Variants in PDZD8 observed in about 807,000 individuals in gnomAD.
The protein encoded by PDZD8 is PDZ domain-containing protein 8.
A neutral mutation model predicts 85.8 loss-of-function variants in PDZD8; 14 were observed. The observed-to-expected ratio is 0.16, with a 90% CI of 0.11 to 0.26. The LOEUF is 0.26. PDZD8 is among the 10% of genes least tolerant of loss of function. The pLI is 1.00. For synonymous variants in PDZD8, 592 were observed against 568.6 expected (o/e 1.04, Z -0.59); for missense variants, 1,197 against 1,424.3 (o/e 0.84, Z 2.57).
intron 1 of PDZD8, among the ~76,000 whole-genome samples, chr10:117,366,839 G>C (rs1481449101): frequency 6.6e-6 from 1 of 152,092 alleles, no homozygotes; most frequent in Non-Finnish European, 1.5e-5. Context: ...CTGTAAAACT[G>C]AGATACCAAC....
chr10:117,307,292 T>G (rs1167647251), intron 3 of PDZD8, among the ~76,000 whole-genome samples: 6 of 152,070 alleles, frequency 3.9e-5, no homozygotes, highest in Non-Finnish European at 7.4e-5. Context: ...TCTAAACATA[T>G]ATAACTTATC....
chr10:117,297,269 G>A (rs541348252), intron 3 of PDZD8, among the ~76,000 whole-genome samples: 34 of 152,262 alleles, frequency 2.2e-4, no homozygotes, highest in Non-Finnish European at 3.8e-4. Flanking sequence ...ACCAACTGCT[G>A]CTGAGGATGT....
chr10:117,313,315 A>G (rs1844070198), intron 3 of PDZD8, among the ~76,000 whole-genome samples: 1 of 152,170 alleles, frequency 6.6e-6, no homozygotes, highest in Non-Finnish European at 1.5e-5. Flanking sequence ...TATCTCATTG[A>G]TTTTTATGTT....
chr10:117,370,351 AGGAACTGGCAG>A (rs1243692233), intron 1 of PDZD8, among the ~76,000 whole-genome samples: 1 of 152,230 alleles, frequency 6.6e-6, no homozygotes, highest in Non-Finnish European at 1.5e-5. Flanking sequence ...GTGAAACATC[AGGAACTGGCAG>A]TCCAGAGAGG....
intron 1 of PDZD8, among the ~76,000 whole-genome samples, chr10:117,357,523 T>TG (rs1231165333): frequency 4.6e-5 from 7 of 151,888 alleles, no homozygotes; most frequent in Non-Finnish European, 1.0e-4. Flanking sequence ...CCCAACATTT[T>TG]GGGAGGCCGA....
In PDZD8 at chr10:117,343,545, T is replaced by C. The variant is rs138049076; in HGVS notation, c.873-2443A>G. ...ATATAACTGTTAGTTTGTAAAAAAA[T>C]TATAATAACCATATACACTAGAAAC... On this transcript the variant is annotated intron_variant, in intron 1 of 4. Coordinates refer to ENST00000334464, the MANE Select transcript of PDZD8 (RefSeq NM_173791.5). Among the ~76,000 whole-genome samples the C allele has an allele frequency of 1.2e-4, 18 of 151,714 alleles. 1 individual carries two copies. In the East Asian group the frequency reaches 3.3e-3, roughly 28 times the overall value.
In PDZD8 at chr10:117,374,935, A is replaced by G; in HGVS notation, c.293T>C (p.Leu98Pro). Reference sequence around the variant, plus strand: ...GAACAGGAATAGGATGGTGGCGTTGAGGAAGTAGCAAGTCTCCCGCGTCGG... The same window carrying G: ...GAACAGGAATAGGATGGTGGCGTTGGGGAAGTAGCAAGTCTCCCGCGTCGG... The part of the protein sequence containing the change: ...APPTRETCYF[L>P]NATILFLFRE... Residue 98 changes from leucine (L) to proline (P), a missense_variant, in exon 1 of 5, where the codon CTC (leucine) becomes CCC (proline). Physicochemically the swap from Leu to Pro is moderately conservative, Grantham distance 98 (BLOSUM62 -3). Transcript: ENST00000334464. The surrounding 1 kb of genome is among the most constrained non-coding windows in gnomAD (Gnocchi z 7.8). The G allele has an allele frequency of 1.2e-6, 2 of 1,612,586 alleles. No individual in the cohort carries two copies.
In PDZD8 at chr10:117,282,426, A is replaced by AGAT. The variant is rs1436011756; in HGVS notation, c.*839_*841dup. ...AAAAGGAAAGCATCAATATTTTAAA[A>AGAT]GATTATATTTCAAAATGCTATGTTA... is the stretch of plus-strand genomic sequence containing the variant. On this transcript the variant is annotated 3_prime_UTR_variant, in exon 5 of 5. Transcript: ENST00000334464. The AGAT allele has an allele frequency of 3.9e-5, 6 of 152,222 alleles. No individual in the cohort carries two copies. Among genetic ancestry groups the AGAT allele is most frequent in the African/African-American group, 9.6e-5 (4 of 41,466 alleles). The allele number at this position is 152,222 out of a possible 1,614,324, so 9.4% of individuals were successfully genotyped here.
intron 3 of PDZD8, among the ~76,000 whole-genome samples, chr10:117,301,431 T>C (rs575456125): frequency 1.1e-4 from 17 of 152,318 alleles, no homozygotes; most frequent in African/African-American, 4.1e-4. Context: ...CAGTTACAAT[T>C]GAGAGGTCAA....
intron 3 of PDZD8, among the ~76,000 whole-genome samples, chr10:117,308,722 T>A (rs999685911): frequency 6.6e-6 from 1 of 152,150 alleles, no homozygotes; most frequent in Non-Finnish European, 1.5e-5. Context: ...GTTTGCAGAC[T>A]GTTTTTACTG....
intron 3 of PDZD8, among the ~76,000 whole-genome samples, chr10:117,291,618 G>A (rs146822864): frequency 1.8e-4 from 27 of 151,982 alleles, no homozygotes; most frequent in Middle Eastern, 3.4e-3. Flanking sequence ...GCTGAGGTGG[G>A]AGGACCATTT....
intron 2 of PDZD8, among the ~76,000 whole-genome samples, chr10:117,319,861 A>T (rs1472620549): frequency 6.6e-6 from 1 of 152,046 alleles, no homozygotes; most frequent in Non-Finnish European, 1.5e-5. Flanking sequence ...ACACTAACGA[A>T]CATGTTGACT....
At chr10:117,339,649 C>T (rs948258766) in intron 2 of PDZD8, among the ~76,000 whole-genome samples, 1 of 152,176 alleles carries the variant, frequency 6.6e-6, no homozygotes, top group African/African-American at 2.4e-5. Context: ...GTTTTACTGG[C>T]ACACAGCCAC....
At chr10:117,301,323 C>A (rs959304997) in intron 3 of PDZD8, among the ~76,000 whole-genome samples, 1 of 152,106 alleles carries the variant, frequency 6.6e-6, no homozygotes, top group African/African-American at 2.4e-5. Context: ...TACAAATCAC[C>A]TTTGTTTGGC....
rs1845254419 is a variant in PDZD8, at chr10:117,374,495, A to G, written c.733T>C (p.Phe245Leu). The change falls in exon 1 of 5, where the codon TTC (phenylalanine) becomes CTC (leucine). Residue 245 changes from phenylalanine to leucine, a missense_variant. Physicochemically the swap from Phe to Leu is conservative, Grantham distance 22 (BLOSUM62 0). Around this residue, in one of 4 missense-constraint regions of PDZD8, gnomAD observed 344 missense variants for 453.6 expected, o/e 0.76. Transcript: ENST00000334464. The surrounding 1 kb of genome is among the most constrained non-coding windows in gnomAD (Gnocchi z 7.8). The stretch of plus-strand genomic sequence containing the variant: ...AAGTCGATCAGCGGGTCTTCCACGA[A>G]GGAGAAGAACCAGTGGGTGAAGGGC... The part of the protein sequence containing the change: ...RVPFTHWFFS[F>L]VEDPLIDFEV... The G allele has an allele frequency of 6.2e-7, 1 of 1,613,634 alleles. No homozygotes were observed. Among genetic ancestry groups the G allele is most frequent in the South Asian group, 1.1e-5 (1 of 90,986 alleles).
chr10:117,329,304 C>T (rs949262252), intron 2 of PDZD8, among the ~76,000 whole-genome samples: 1 of 152,178 alleles, frequency 6.6e-6, no homozygotes, highest in Non-Finnish European at 1.5e-5. Flanking sequence ...AAATTGCCGT[C>T]TATCTCCTGA....
intron 2 of PDZD8, 39 bp from the exon 3 acceptor site, chr10:117,319,013 G>C (rs1436093948): frequency 7.5e-7 from 1 of 1,331,796 alleles, no homozygotes; most frequent in Non-Finnish European, 1.1e-6. Flanking sequence ...TATCATACCT[G>C]TTATATTCAT....
At chr10:117,355,330 C>A (rs1435063081) in intron 1 of PDZD8, among the ~76,000 whole-genome samples, 1 of 152,114 alleles carries the variant, frequency 6.6e-6, no homozygotes, top group Non-Finnish European at 1.5e-5. Flanking sequence ...GTAATTGTTT[C>A]CTCTCCTGTG....
At chr10:117,300,617 A>T (rs2133779652) in intron 3 of PDZD8, among the ~76,000 whole-genome samples, 2 of 152,282 alleles carry the variant, frequency 1.3e-5, no homozygotes, top group South Asian at 4.2e-4. Context: ...GCTATGAACT[A>T]AATATATGTG....
Sources: allele counts gnomAD v4.1 joint callset (sites outside exome capture counted in the v4.1 genomes callset), GRCh38; gene constraint gnomAD v4.1.1; regional missense constraint gnomAD v4.1.1; non-coding constraint Gnocchi (gnomAD v3.1); transcripts MANE v1.5; gene names NCBI Gene and HGNC (gene_info 2026-07-23, HGNC 2026-07-21).